Variants in PLXNA2 observed in about 807,000 individuals in gnomAD.
PLXNA2 encodes the protein plexin-A2.
Under a neutral mutation model 193.5 loss-of-function variants are expected in PLXNA2, and 91 were observed. That is an observed-to-expected ratio of 0.47 (90% CI 0.40 to 0.56). The LOEUF is 0.56. PLXNA2 is among the 20% of genes least tolerant of loss of function. The pLI is 0.00. For synonymous variants in PLXNA2, 997 were observed against 1,027.3 expected, an observed-to-expected ratio of 0.97 and a Z score of 0.56; for missense variants, 1,995 against 2,503.2, an observed-to-expected ratio of 0.80 and a Z score of 4.33.
chr1:208,189,510 G>GAAAA (rs533048081), intron 3 of PLXNA2, among the ~76,000 whole-genome samples: 5 of 142,090 alleles, frequency 3.5e-5, no homozygotes, highest in African/African-American at 1.3e-4. Context: ...GAGATAAAGA[G>GAAAA]AAAAAAAAAA....
chr1:208,170,141 A>G (rs548397722), intron 3 of PLXNA2, among the ~76,000 whole-genome samples: 1 of 152,362 alleles, frequency 6.6e-6, no homozygotes, highest in South Asian at 2.1e-4. Context: ...CAGCATCACC[A>G]GACTGCCAGA....
rs542177515 is a variant in PLXNA2, at chr1:208,151,495, T to G, written c.1372-9032A>C. On this transcript the variant is annotated intron_variant, in intron 3 of 31. Coordinates refer to ENST00000367033, the MANE Select transcript of PLXNA2 (RefSeq NM_025179.4). ...GTGAGAACTGATGGAATTAGGCATA[T>G]CGACAGGTTAACTACCTTGGAAATG... Among the ~76,000 whole-genome samples the G allele has an allele frequency of 7.1e-4, 108 of 152,254 alleles. 1 individual carries two copies. Among genetic ancestry groups the G allele is most frequent in the African/African-American group, 2.3e-3 (94 of 41,546 alleles).
At chr1:208,121,190 G>A (rs923011963) in intron 4 of PLXNA2, among the ~76,000 whole-genome samples, 12 of 152,190 alleles carry the variant, frequency 7.9e-5, no homozygotes, top group African/African-American at 2.7e-4. Flanking sequence ...GGTCCACCAT[G>A]AGCGAGAGCT....
At position 208,044,764 on chromosome 1, in the gene PLXNA2, A is replaced by ACGGG. The variant is rs1449281862; in HGVS notation, c.3640-23_3640-22insCCCG. ...GAACCTGTGCATTGTACACATACAG[A>ACGGG]CGCACATGGATGCACACAGGTGTAG... On this transcript the variant is annotated intron_variant, in intron 19 of 31. Coordinates refer to ENST00000367033, the MANE Select transcript of PLXNA2 (RefSeq NM_025179.4). The surrounding 1 kb of genome is among the most constrained non-coding windows in gnomAD (Gnocchi z 4.9). 1 of 1,578,034 alleles carries ACGGG rather than the reference A, an allele frequency of 6.3e-7. No homozygotes were observed. The highest frequency in any genetic ancestry group is 2.3e-5 in the East Asian group (1 of 44,336).
At chr1:208,046,463 G>A (rs1665071314) in intron 17 of PLXNA2, among the ~76,000 whole-genome samples, 1 of 152,134 alleles carries the variant, frequency 6.6e-6, no homozygotes, top group Non-Finnish European at 1.5e-5. Context: ...TGGGGCATGG[G>A]GGGCACACAG....
rs992601410 is a variant in PLXNA2 at position 208,038,565 on chromosome 1, C to A, written c.4661-91G>T. The A allele has an allele frequency of 1.3e-5, 13 of 1,036,702 alleles. No homozygotes were observed. In the South Asian group the frequency reaches 1.7e-4, roughly 13 times the overall value. The allele number at this position is 1,036,702 out of a possible 1,614,324, so 64.2% of individuals were successfully genotyped here. A position where few individuals can be genotyped will look rare whatever the true frequency, so the allele number is the denominator to read the frequency against. On this transcript the variant is annotated intron_variant, in intron 25 of 31. Transcript: ENST00000367033. This position sits in a 1 kb window ranked among gnomAD's most constrained non-coding sequence, Gnocchi z 4.1. ...GATTGCACCTTCTCTAGGGACCTGG[C>A]AACCCGGCCCCCTCAAGCTGGTACC... is the stretch of plus-strand genomic sequence containing the variant.
At chr1:208,047,245 G>A (rs1665105058) in intron 17 of PLXNA2, among the ~76,000 whole-genome samples, 1 of 99,906 alleles carries the variant, frequency 1.0e-5, no homozygotes, top group Admixed American at 1.2e-4. Flanking sequence ...ACAGGCCTGA[G>A]CCACTGGGCC....
In PLXNA2 at chr1:208,142,371, G is replaced by C; in HGVS notation, c.1464C>G (p.Phe488Leu). 1 of 1,613,930 alleles carries C rather than the reference G, an allele frequency of 6.2e-7. No homozygotes were observed. The highest frequency in any genetic ancestry group is 8.5e-7 in the Non-Finnish European group (1 of 1,179,894). The change falls in exon 4 of 32, where the codon TTC (phenylalanine) becomes TTG (leucine). Residue 488 changes from phenylalanine to leucine, a missense_variant. Physicochemically the swap from Phe to Leu is conservative, Grantham distance 22 (BLOSUM62 0). Coordinates refer to ENST00000367033, the MANE Select transcript of PLXNA2 (RefSeq NM_025179.4). ...DGSPILRDMA[F>L]SIDQRYLYVM... ...CGTACAGGTAGCGCTGATCAATGGA[G>C]AAGGCCATGTCCCGGAGGATGGGGC... is the stretch of plus-strand genomic sequence containing the variant.
intron 31 of PLXNA2, among the ~76,000 whole-genome samples, chr1:208,027,756 A>G (rs1359532069): frequency 1.3e-5 from 2 of 152,252 alleles, no homozygotes; most frequent in African/African-American, 4.8e-5. Context: ...AATTAATTAT[A>G]CCATACTTTG....
At chr1:208,138,762 C>T (rs1459066571) in intron 4 of PLXNA2, among the ~76,000 whole-genome samples, 1 of 152,206 alleles carries the variant, frequency 6.6e-6, no homozygotes, top group Non-Finnish European at 1.5e-5. Flanking sequence ...CATGGTGGTT[C>T]ATGCCTGTAA....
At chr1:208,031,221 A>C (rs1664492191) in intron 29 of PLXNA2, 5 of 1,058,112 alleles carry the variant, frequency 4.7e-6, no homozygotes, top group Non-Finnish European at 5.7e-6. Flanking sequence ...CTGGCTGTGA[A>C]GCTCTGCTGC....
At chr1:208,101,977 T>A (rs1168639101) in intron 5 of PLXNA2, among the ~76,000 whole-genome samples, 2 of 152,226 alleles carry the variant, frequency 1.3e-5, no homozygotes, top group Non-Finnish European at 2.9e-5. Context: ...AACCAAGATT[T>A]ACCCCCTTTT....
At chr1:208,229,904 G>A (rs918382079) in intron 1 of PLXNA2, among the ~76,000 whole-genome samples, 4 of 152,200 alleles carry the variant, frequency 2.6e-5, no homozygotes, top group East Asian at 1.9e-4. Context: ...AACTCGCAGC[G>A]CTGGATGGCG....
chr1:208,193,737 A>T (rs1670259488), intron 3 of PLXNA2, among the ~76,000 whole-genome samples: 2 of 152,028 alleles, frequency 1.3e-5, no homozygotes, highest in Admixed American at 6.5e-5. Flanking sequence ...AATATAAAAA[A>T]TTTGTCTGGG....
chr1:208,178,919 A>C lies in PLXNA2; in HGVS notation c.1371+31361T>G, dbSNP rs968017215. On this transcript the variant is annotated intron_variant, in intron 3 of 31. Coordinates refer to ENST00000367033, the MANE Select transcript of PLXNA2 (RefSeq NM_025179.4). The stretch of plus-strand genomic sequence containing the variant: ...TGCAGGTGATTCGGATGCAAGCTTA[A>C]GTTTGAGAACAACTAGTTTAGGGTG... 2.6e-5 allele frequency among the ~76,000 whole-genome samples: 4 copies of C among 152,232 alleles called. No individual in the cohort carries two copies. In the East Asian group the frequency reaches 7.7e-4, roughly 29 times the overall value.
chr1:208,072,764 A>G (rs1666015237), intron 12 of PLXNA2, among the ~76,000 whole-genome samples: 1 of 152,168 alleles, frequency 6.6e-6, no homozygotes, highest in Non-Finnish European at 1.5e-5. Context: ...CACTCATAGG[A>G]GTAAGTGTGG....
intron 1 of PLXNA2, among the ~76,000 whole-genome samples, chr1:208,243,398 C>G (rs983473083): frequency 6.6e-6 from 1 of 151,976 alleles, no homozygotes; most frequent in Non-Finnish European, 1.5e-5. Context: ...GGCGGGCTGC[C>G]GGCCGGGAAG....
intron 12 of PLXNA2, among the ~76,000 whole-genome samples, chr1:208,077,020 G>A (rs1666170695): frequency 6.6e-6 from 1 of 152,036 alleles, no homozygotes; most frequent in South Asian, 2.1e-4. Flanking sequence ...GGGAAAGGAG[G>A]ATGGGGTAGG....
chr1:208,071,263 T>C (rs1479588813), intron 12 of PLXNA2, among the ~76,000 whole-genome samples: 4 of 152,216 alleles, frequency 2.6e-5, no homozygotes, highest in Non-Finnish European at 4.4e-5. Context: ...TTAAAAGCTT[T>C]TGTGTCTGAG....
Sources: gnomAD v4.1 joint callset for allele counts (sites outside exome capture counted in the v4.1 genomes callset) on GRCh38, gnomAD v4.1.1 for gene constraint, Gnocchi (gnomAD v3.1) non-coding constraint, MANE v1.5 for transcripts, NCBI Gene and HGNC (gene_info 2026-07-23, HGNC 2026-07-21) for gene names.